The following BAZ1A variants were observed in gnomAD, a reference collection of about 807,000 sequenced individuals.
BAZ1A encodes the protein bromodomain adjacent to zinc finger domain 1A.
Under a neutral mutation model 185.2 loss-of-function variants are expected in BAZ1A, and 50 were observed. That is an observed-to-expected ratio of 0.27 (90% CI 0.22 to 0.34). BAZ1A has a LOEUF of 0.34. BAZ1A is among the 10% of genes least tolerant of loss of function. The pLI, the probability that BAZ1A is intolerant of heterozygous loss-of-function variation, is 1.00. For synonymous variants in BAZ1A, 571 were observed against 615.6 expected (o/e 0.93, Z 1.07); for missense variants, 1,356 against 1,839.9 (o/e 0.74, Z 4.81).
At chr14:34,800,148 A>G in intron 9 of BAZ1A, 76 bp downstream of exon 9, 2 of 1,200,060 alleles carry the variant, frequency 1.7e-6, no homozygotes, top group Non-Finnish European at 2.2e-6. Context: ...AGCATTTAAA[A>G]ATCAACCATG....
chr14:34,760,642 CAG>C (rs35552477), intron 24 of BAZ1A, among the ~76,000 whole-genome samples: 4,934 of 152,070 alleles, frequency 0.032, 108 homozygotes, highest in African/African-American at 0.055. Context: ...TAACTGAGCT[CAG>C]GAGTGCAAGA....
intron 12 of BAZ1A, among the ~76,000 whole-genome samples, chr14:34,787,363 A>AAAAAAGAAAAG (rs1555339669): frequency 0.011 from 1,212 of 112,330 alleles, 59 homozygotes; most frequent in Middle Eastern, 0.029. Flanking sequence ...AAAAAAAAAA[A>AAAAAAGAAAAG]AAAAAGAAAA....
Position 34,874,960 on chromosome 14 carries a change from C to A in BAZ1A, c.-59+178G>T, listed in dbSNP as rs1425431443. 2.0e-5 allele frequency: 3 copies of A among 150,862 alleles called. No homozygotes were observed. In the East Asian group the frequency reaches 5.9e-4, roughly 30 times the overall value. 9.3% of individuals were successfully genotyped at this position (150,862 alleles called of 1,614,324 possible). A position where few individuals can be genotyped will look rare whatever the true frequency, so the allele number is the denominator to read the frequency against. On this transcript the variant is annotated intron_variant, in intron 1 of 26. Transcript: ENST00000360310. The surrounding 1 kb of genome is among the most constrained non-coding windows in gnomAD (Gnocchi z 4.7). ...CGGCGGCGGCCCCCTCCCCCAGCGC[C>A]GGCTCCTCGCCCGCCGCCGCCGCCA...
chr14:34,784,189 T>C (rs536273752), intron 14 of BAZ1A, among the ~76,000 whole-genome samples: 39 of 151,614 alleles, frequency 2.6e-4, no homozygotes, highest in African/African-American at 7.7e-4. Context: ...GCCAACATGG[T>C]GAAACCCCAA....
In BAZ1A at chr14:34,849,540, AAC is replaced by A. The variant is rs546676158; in HGVS notation, c.392+12502_392+12503del. Among the ~76,000 whole-genome samples, 21 of 152,322 alleles carry A rather than the reference AAC, an allele frequency of 1.4e-4. No homozygotes were observed. The East Asian group carries it at 3.9e-3, about 28-fold the overall frequency. ...AATCTTTTACTTTAATAGAAAAAAA[AAC>A]AGATTTTAAAAAATTTATAAACTTT... is the stretch of plus-strand genomic sequence containing the variant. On this transcript the variant is annotated intron_variant, in intron 3 of 26. Transcript: ENST00000360310.
intron 2 of BAZ1A, among the ~76,000 whole-genome samples, chr14:34,869,669 TA>T (rs1315895162): frequency 6.6e-6 from 1 of 152,168 alleles, no homozygotes; most frequent in Non-Finnish European, 1.5e-5. Flanking sequence ...GACCCAACTA[TA>T]AAATTGTAGC....
chr14:34,776,370 T>C lies in BAZ1A; in HGVS notation c.2382A>G (p.Gln794=). Residue 794 remains glutamine, a synonymous_variant, in exon 18 of 27, where the codon CAA becomes CAG. Transcript: ENST00000360310. ...RKEKELLEKI[Q]SAIACTNIFP... ...AGATATTGGTACAGGCTATGGCACTTTGGATTTTTTCTAAGAGCTCTTTCT... is the reference window on the plus strand; with the variant it reads ...AGATATTGGTACAGGCTATGGCACTCTGGATTTTTTCTAAGAGCTCTTTCT... 1 of 1,614,106 alleles carries C rather than the reference T, an allele frequency of 6.2e-7. No homozygotes were observed. The highest frequency in any genetic ancestry group is 8.5e-7 in the Non-Finnish European group (1 of 1,180,012).
At chr14:34,866,484 T>C (rs1358650084) in intron 2 of BAZ1A, among the ~76,000 whole-genome samples, 12 of 6,900 alleles carry the variant, frequency 1.7e-3, no homozygotes, top group Admixed American at 3.2e-3. Context: ...TAAAACAATA[T>C]CTCAAAAAAA....
intron 2 of BAZ1A, among the ~76,000 whole-genome samples, chr14:34,871,000 AT>A (rs1357638595): frequency 7.9e-5 from 12 of 152,230 alleles, no homozygotes; most frequent in African/African-American, 2.7e-4. Flanking sequence ...AGAGTTATAC[AT>A]TTTATATTGA....
intron 11 of BAZ1A, among the ~76,000 whole-genome samples, chr14:34,793,411 C>T (rs1255775734): frequency 6.6e-6 from 1 of 152,148 alleles, no homozygotes; most frequent in Non-Finnish European, 1.5e-5. Context: ...CTGTTTAGAC[C>T]TCCTTGATCT....
chr14:34,772,156 A>G (rs1176006343), intron 20 of BAZ1A, among the ~76,000 whole-genome samples: 1 of 151,464 alleles, frequency 6.6e-6, no homozygotes, highest in Non-Finnish European at 1.5e-5. Context: ...GGGTTTCACT[A>G]TGTTGGCCAG....
At position 34,802,830 on chromosome 14, in the gene BAZ1A, A is replaced by C. The variant is rs373419794; in HGVS notation, c.861+24T>G. The stretch of plus-strand genomic sequence containing the variant: ...ACTGTTTTACTAACAGTGAAAATGT[A>C]GTTTTAATCAATTCTGTACTTACTT... On this transcript the variant is annotated intron_variant, in intron 7 of 26. Transcript: ENST00000360310. 20 of 1,597,880 alleles carry C rather than the reference A, an allele frequency of 1.3e-5. No individual in the cohort carries two copies. The African/African-American group carries it at 2.7e-4, about 21-fold the overall frequency.
intron 24 of BAZ1A, among the ~76,000 whole-genome samples, chr14:34,759,744 G>C (rs932889798): frequency 6.6e-6 from 1 of 151,922 alleles, no homozygotes; most frequent in Non-Finnish European, 1.5e-5. Flanking sequence ...GCATGATCTT[G>C]GCTCACTGCA....
intron 23 of BAZ1A, among the ~76,000 whole-genome samples, chr14:34,763,008 T>C (rs563166453): frequency 1.3e-5 from 2 of 152,342 alleles, no homozygotes; most frequent in East Asian, 3.9e-4. Flanking sequence ...TGGCTGCCAA[T>C]GAAGTGGGCC....
chr14:34,866,961 TAA>T (rs10635851), intron 2 of BAZ1A, among the ~76,000 whole-genome samples: 18 of 148,264 alleles, frequency 1.2e-4, no homozygotes, highest in East Asian at 3.9e-4. Flanking sequence ...CATTCTTCTT[TAA>T]AAAAAAAAAA....
At chr14:34,872,913 T>TAA (rs35955993) in intron 2 of BAZ1A, among the ~76,000 whole-genome samples, 7,414 of 75,886 alleles carry the variant, frequency 0.098, 917 homozygotes, top group Non-Finnish European at 0.11. Flanking sequence ...TTTAAAATCC[T>TAA]AAAAAAAAAA....
At chr14:34,816,305 G>T (rs370875898) in intron 4 of BAZ1A, among the ~76,000 whole-genome samples, 1 of 151,722 alleles carries the variant, frequency 6.6e-6, no homozygotes, top group Non-Finnish European at 1.5e-5. Flanking sequence ...GACAGGATGG[G>T]CTTGATCTCC....
chr14:34,762,353 A>T, intron 23 of BAZ1A, 130 bp from the exon 24 acceptor site: 1 of 780,546 alleles, frequency 1.3e-6, no homozygotes, highest in Non-Finnish European at 2.0e-6. Context: ...CTTATCCTAG[A>T]CTCAATTCCT....
chr14:34,817,026 T>C (rs989928717), intron 4 of BAZ1A, among the ~76,000 whole-genome samples: 2 of 151,782 alleles, frequency 1.3e-5, no homozygotes, highest in African/African-American at 4.8e-5. Flanking sequence ...AAAAAAAAAA[T>C]TATTGAAAGC....
Sources: allele counts gnomAD v4.1 joint callset (sites outside exome capture counted in the v4.1 genomes callset), GRCh38; gene constraint gnomAD v4.1.1; non-coding constraint Gnocchi (gnomAD v3.1); transcripts MANE v1.5; gene names NCBI Gene and HGNC (gene_info 2026-07-23, HGNC 2026-07-21).